Variants in OTUD7A observed in about 807,000 individuals in gnomAD.
OTUD7A encodes the protein OTU domain-containing protein 7A.
OTUD7A carries 12 observed loss-of-function variants against 65.7 expected under a neutral mutation model. That is an observed-to-expected ratio of 0.18 (90% CI 0.12 to 0.30). OTUD7A has a LOEUF of 0.30. OTUD7A is among the 10% of genes least tolerant of loss of function. OTUD7A has a pLI of 1.00. For synonymous variants in OTUD7A, 641 were observed against 586.3 expected, an observed-to-expected ratio of 1.09 and a Z score of -1.35; for missense variants, 1,148 against 1,304.8, an observed-to-expected ratio of 0.88 and a Z score of 1.85.
At position 31,727,880 on chromosome 15, in the gene OTUD7A, G is replaced by A. The variant is rs570187866; in HGVS notation, c.-99-70803C>T. Among the ~76,000 whole-genome samples the A allele has an allele frequency of 3.9e-5, 6 of 152,240 alleles. No individual in the cohort carries two copies. In the South Asian group the frequency reaches 1.2e-3, roughly 32 times the overall value. ...TTGGCTGGCCTTTCTGTGGCTATCT[G>A]ACATGTAAATGACACCCCAGGGCTC... On this transcript the variant is annotated intron_variant, in intron 1 of 12. Transcript: ENST00000307050.
chr15:31,507,603 A>G lies in OTUD7A; in HGVS notation c.894-3785T>C, dbSNP rs965074381. 5.5e-4 allele frequency among the ~76,000 whole-genome samples: 81 copies of G among 148,568 alleles called. 1 individual carries two copies. Among genetic ancestry groups the G allele is most frequent in the Non-Finnish European group, 1.0e-4 (7 of 67,496 alleles). ...GAACAAAGGTTCTAAACCATGGAAC[A>G]GGACCCGAGCAGGTTGCTGCCGCTG... is the stretch of plus-strand genomic sequence containing the variant. On this transcript the variant is annotated intron_variant, in intron 8 of 12. Coordinates refer to ENST00000307050, the MANE Select transcript of OTUD7A (RefSeq NM_001382637.1).
intron 3 of OTUD7A, among the ~76,000 whole-genome samples, chr15:31,629,839 G>A (rs1482399121): frequency 2.0e-5 from 3 of 152,170 alleles, no homozygotes; most frequent in African/African-American, 7.2e-5. Context: ...ATGTGTCCAG[G>A]AATTTATCCA....
chr15:31,514,551 A>G (rs905262775), intron 8 of OTUD7A, among the ~76,000 whole-genome samples: 5 of 152,228 alleles, frequency 3.3e-5, no homozygotes, highest in African/African-American at 1.2e-4. Context: ...CCAACCCCAC[A>G]AAGTTAATTC....
At chr15:31,659,654 C>T (rs999086710) in intron 1 of OTUD7A, among the ~76,000 whole-genome samples, 10 of 152,346 alleles carry the variant, frequency 6.6e-5, no homozygotes, top group African/African-American at 2.4e-4. Context: ...CTGGCATGAG[C>T]TCAAAGCTGC....
At chr15:31,547,391 G>A (rs1231337092) in intron 5 of OTUD7A, among the ~76,000 whole-genome samples, 2 of 152,086 alleles carry the variant, frequency 1.3e-5, no homozygotes, top group East Asian at 1.9e-4. Context: ...TGAACAGGCT[G>A]GCTTCTCATG....
chr15:31,756,858 T>G (rs1166987917), intron 1 of OTUD7A, among the ~76,000 whole-genome samples: 2 of 152,210 alleles, frequency 1.3e-5, no homozygotes, highest in Non-Finnish European at 2.9e-5. Context: ...GCATCCCTCT[T>G]GCTTCTAAGG....
chr15:31,852,099 C>A (rs988912933), intron 1 of OTUD7A, among the ~76,000 whole-genome samples: 1 of 152,160 alleles, frequency 6.6e-6, no homozygotes. Flanking sequence ...CCTCATGATC[C>A]GCCCTCCTTG....
At chr15:31,736,603 T>C (rs1245372570) in intron 1 of OTUD7A, among the ~76,000 whole-genome samples, 1 of 152,132 alleles carries the variant, frequency 6.6e-6, no homozygotes, top group Non-Finnish European at 1.5e-5. Flanking sequence ...GAGATCAATG[T>C]ATGTTCCAGG....
chr15:31,768,840 G>A (rs1040162387), intron 1 of OTUD7A, among the ~76,000 whole-genome samples: 2 of 152,088 alleles, frequency 1.3e-5, no homozygotes, highest in South Asian at 2.1e-4. Flanking sequence ...TATGAATATT[G>A]TAATCTCTAG....
At chr15:31,593,850 T>C (rs553019743) in intron 3 of OTUD7A, among the ~76,000 whole-genome samples, 2 of 152,348 alleles carry the variant, frequency 1.3e-5, no homozygotes, top group East Asian at 3.9e-4. Flanking sequence ...TCCCCCGATG[T>C]GTAAGCAACA....
intron 3 of OTUD7A, among the ~76,000 whole-genome samples, chr15:31,593,928 A>G (rs886660547): frequency 1.3e-5 from 2 of 152,160 alleles, no homozygotes; most frequent in Non-Finnish European, 2.9e-5. Context: ...GCAGAAAGCC[A>G]GAGTTAACTT....
intron 1 of OTUD7A, chr15:31,787,667 T>C (rs1477034531): frequency 6.6e-6 from 1 of 152,224 alleles, no homozygotes; most frequent in African/African-American, 2.4e-5. Context: ...AGCCTCAAAG[T>C]ACATGATAGA....
chr15:31,579,127 C>T (rs1282060304), intron 3 of OTUD7A, among the ~76,000 whole-genome samples: 4 of 152,164 alleles, frequency 2.6e-5, no homozygotes, highest in Non-Finnish European at 5.9e-5. Context: ...ACTCATATCA[C>T]ATACAAGAGG....
At chr15:31,590,863 G>A (rs1227802597) in intron 3 of OTUD7A, among the ~76,000 whole-genome samples, 1 of 152,174 alleles carries the variant, frequency 6.6e-6, no homozygotes, top group Non-Finnish European at 1.5e-5. Flanking sequence ...GCTGGCTTGT[G>A]GCCATGGATT....
At position 31,483,426 on chromosome 15, in the gene OTUD7A, C is replaced by A; in HGVS notation, c.2670G>T (p.Pro890=). ...RSNGECGRGG[P]GPVQRRCQRE... is the part of the protein sequence containing the mutation. ...GCTGGCAGCGCCGCTGCACCGGCCC[C>A]GGGCCGCCACGGCCGCACTCACCGT... Residue 890 remains proline (P), a synonymous_variant, in exon 13 of 13, where the codon CCG becomes CCT. Transcript: ENST00000307050. 1 of 1,371,260 alleles carries A rather than the reference C, an allele frequency of 7.3e-7. No homozygotes were observed. The highest frequency in any genetic ancestry group is 9.4e-7 in the Non-Finnish European group (1 of 1,062,204). 84.9% of individuals were successfully genotyped at this position (1,371,260 alleles called of 1,614,324 possible).
intron 5 of OTUD7A, 33 bp downstream of exon 5, chr15:31,558,936 A>C: frequency 6.2e-7 from 1 of 1,607,972 alleles, no homozygotes; most frequent in South Asian, 1.1e-5. Context: ...ACCAAGCCTA[A>C]AGAGGGTGGG....
chr15:31,738,241 G>A (rs1466317537), intron 1 of OTUD7A, among the ~76,000 whole-genome samples: 1 of 152,032 alleles, frequency 6.6e-6, no homozygotes, highest in African/African-American at 2.4e-5. Flanking sequence ...GAATGGCAGG[G>A]GGCCTGGAGC....
At chr15:31,518,144 A>G (rs1305914302) in intron 8 of OTUD7A, among the ~76,000 whole-genome samples, 1 of 152,120 alleles carries the variant, frequency 6.6e-6, no homozygotes, top group Non-Finnish European at 1.5e-5. Flanking sequence ...CTATGGGGAC[A>G]TAGGTGTTGG....
chr15:31,487,269 C>T lies in OTUD7A; in HGVS notation c.1296G>A (p.Leu432=), dbSNP rs1193594604. The change falls in exon 12 of 13, where the codon CTG becomes CTA. Residue 432 remains leucine (L), a synonymous_variant. Transcript: ENST00000307050. This position sits in a 1 kb window ranked among gnomAD's most constrained non-coding sequence, Gnocchi z 6.0. ...NDNARLAHLI[L]SLEAKLNLLH... ...GAAGGTTCAGCTTGGCTTCTAGCGA[C>T]AGGATAAGGCTGGCAAGAGAAGAAT... is the stretch of plus-strand genomic sequence containing the variant. 1 of 1,614,074 alleles carries T rather than the reference C, an allele frequency of 6.2e-7. No individual in the cohort carries two copies. Among genetic ancestry groups the T allele is most frequent in the Non-Finnish European group, 8.5e-7 (1 of 1,179,978 alleles).
Sources: gnomAD v4.1 joint callset for allele counts (sites outside exome capture counted in the v4.1 genomes callset) on GRCh38, gnomAD v4.1.1 for gene constraint, Gnocchi (gnomAD v3.1) non-coding constraint, MANE v1.5 for transcripts, NCBI Gene and HGNC (gene_info 2026-07-23, HGNC 2026-07-21) for gene names.